BANP: variants seen among roughly 807,000 people sequenced by gnomAD.
The protein encoded by BANP is BTG3 associated nuclear protein.
A neutral mutation model predicts 68.1 loss-of-function variants in BANP; 11 were observed. The ratio of observed to expected loss-of-function variants is 0.16; its 90% CI spans 0.10 to 0.27. The LOEUF (loss-of-function observed/expected upper bound fraction) is 0.27, where lower values mean the gene tolerates loss of function less well. Ranked by LOEUF, BANP falls within the 10% of genes least tolerant of loss-of-function variation. BANP has a pLI of 1.00. For missense variants in BANP, 504 were observed against 722.7 expected (o/e 0.70, Z 3.47); for synonymous variants, 329 against 303.2 (o/e 1.09, Z -0.88).
chr16:88,035,232 A>T (rs1372157998), intron 9 of BANP, 91 bp from the exon 10 acceptor site: 1 of 1,167,072 alleles, frequency 8.6e-7, no homozygotes, highest in African/African-American at 1.5e-5. Flanking sequence ...TTGTAAACAG[A>T]TAATCAAGAA....
At position 88,018,483 on chromosome 16, in the gene BANP, A is replaced by G. The variant is rs539953065; in HGVS notation, c.711A>G (p.Val237=). 2.4e-5 allele frequency: 38 copies of G among 1,613,382 alleles called. No homozygotes were observed. In the African/African-American group the frequency reaches 2.5e-4, roughly 11 times the overall value. Reference sequence around the variant, plus strand: ...ACGAGAACAACCCCGAGATGCGGGTACGCTGCGCCATCATCCCCTCCGACA... The same window carrying G: ...ACGAGAACAACCCCGAGATGCGGGTGCGCTGCGCCATCATCCCCTCCGACA... ...LGDENNPEMR[V]RCAIIPSDML... Residue 237 remains valine (V), a synonymous_variant, in exon 7 of 14, where the codon GTA becomes GTG. Coordinates refer to ENST00000682872, the MANE Select transcript of BANP (RefSeq NM_001386991.1). This position sits in a 1 kb window ranked among gnomAD's most constrained non-coding sequence, Gnocchi z 7.7.
intron 7 of BANP, among the ~76,000 whole-genome samples, chr16:88,025,909 G>A (rs894345989): frequency 1.3e-5 from 2 of 152,172 alleles, no homozygotes; most frequent in Non-Finnish European, 2.9e-5. Flanking sequence ...TAGTGAAGTT[G>A]CATGAGCCAG....
chr16:88,052,811 C>T (rs1215364530), intron 11 of BANP, among the ~76,000 whole-genome samples: 2 of 151,898 alleles, frequency 1.3e-5, no homozygotes, highest in Non-Finnish European at 2.9e-5. Flanking sequence ...ACCACTACCA[C>T]TACCGCCTTC....
At chr16:87,961,718 C>T (rs1295501077) in intron 1 of BANP, among the ~76,000 whole-genome samples, 9 of 152,108 alleles carry the variant, frequency 5.9e-5, no homozygotes, top group Non-Finnish European at 1.0e-4. Context: ...AAGCTGGTCC[C>T]CAGTGTCACA....
chr16:88,013,452 C>T (rs1164464202), intron 6 of BANP, among the ~76,000 whole-genome samples: 1 of 151,988 alleles, frequency 6.6e-6, no homozygotes, highest in Non-Finnish European at 1.5e-5. Context: ...ACGGGCCCTC[C>T]CTCAGTGCAG....
At chr16:88,040,106 G>A (rs575715658) in intron 11 of BANP, among the ~76,000 whole-genome samples, 3 of 152,160 alleles carry the variant, frequency 2.0e-5, no homozygotes, top group African/African-American at 7.2e-5. Context: ...CTGCCACTCA[G>A]GGTAGCGGGC....
chr16:88,042,300 G>T (rs2081016964), intron 11 of BANP, among the ~76,000 whole-genome samples: 1 of 152,248 alleles, frequency 6.6e-6, no homozygotes, highest in African/African-American at 2.4e-5. Context: ...TCAGGGGACG[G>T]TGGCGGGTGC....
At chr16:87,976,474 G>GTTTTTTGTTT (rs1555546296) in intron 2 of BANP, among the ~76,000 whole-genome samples, 2 of 95,972 alleles carry the variant, frequency 2.1e-5, no homozygotes, top group African/African-American at 9.1e-5. Context: ...GTTTTAAAAA[G>GTTTTTTGTTT]TTTTTTTTTT....
intron 1 of BANP, among the ~76,000 whole-genome samples, chr16:87,953,048 A>C (rs978159263): frequency 2.6e-5 from 4 of 152,158 alleles, no homozygotes; most frequent in Non-Finnish European, 5.9e-5. Context: ...GGGCAGCTCA[A>C]CATCTCGGGT....
At chr16:87,956,331 A>G (rs921240592) in intron 1 of BANP, among the ~76,000 whole-genome samples, 1 of 152,212 alleles carries the variant, frequency 6.6e-6, no homozygotes, top group African/African-American at 2.4e-5. Flanking sequence ...GAATGAGATG[A>G]AAGCTTTAGA....
In BANP at chr16:87,993,826, C is replaced by G. The variant is rs2066496691; in HGVS notation, c.362+9567C>G. Among the ~76,000 whole-genome samples the G allele has an allele frequency of 2.0e-5, 3 of 152,148 alleles. 1 individual carries two copies. In the South Asian group the frequency reaches 6.2e-4, roughly 32 times the overall value. ...ATGTTGACCAGGCTGGTCTCGAACT[C>G]CTGACCTCAGGTGATCCGCCTGCCT... On this transcript the variant is annotated intron_variant, in intron 4 of 13. Coordinates refer to ENST00000682872, the MANE Select transcript of BANP (RefSeq NM_001386991.1).
At position 88,070,124 on chromosome 16, in the gene BANP, G is replaced by A. The variant is rs141113415; in HGVS notation, c.1378-1945G>A. ...TTTTCCCTCGCTTACTCTATTAGAG[G>A]AATACAGGTGATGGTACACACAGCA... On this transcript the variant is annotated intron_variant, in intron 12 of 13. Coordinates refer to ENST00000682872, the MANE Select transcript of BANP (RefSeq NM_001386991.1). Among the ~76,000 whole-genome samples the A allele has an allele frequency of 6.6e-5, 10 of 152,282 alleles. No individual in the cohort carries two copies. The East Asian group carries it at 1.2e-3, about 18-fold the overall frequency.
At chr16:87,972,580 T>A (rs965968676) in intron 1 of BANP, among the ~76,000 whole-genome samples, 1 of 152,214 alleles carries the variant, frequency 6.6e-6, no homozygotes, top group Non-Finnish European at 1.5e-5. Flanking sequence ...CATTTTTATA[T>A]GATTTTTGCT....
rs779359749 is a variant in BANP at position 87,975,140 on chromosome 16, G to A, written c.25G>A (p.Asp9Asn). 35 of 1,614,048 alleles carry A rather than the reference G, an allele frequency of 2.2e-5. No homozygotes were observed. Among genetic ancestry groups the A allele is most frequent in the Non-Finnish European group, 2.5e-5 (30 of 1,180,028 alleles). Residue 9 changes from aspartate to asparagine, a missense_variant, in exon 2 of 14, where the codon GAT becomes AAT. By Grantham distance (23) the Asp-to-Asn change is conservative (BLOSUM62 1). Transcript: ENST00000682872. Reference protein sequence around the residue: MMSEHDLADVVQIAVEDLS... With the variant: MMSEHDLANVVQIAVEDLS... ...GATGATGTCGGAACACGACCTGGCC[G>A]ATGTGGTTCAGATTGCAGTGGAAGA...
rs1258084692 is a variant in BANP, at chr16:88,071,471, G to A, written c.1378-598G>A. ...ATACTCTGGGAGGCGGTACAAGGTC[G>A]GGAGGGCCAGCGGGGCTCTCTGCCA... On this transcript the variant is annotated intron_variant, in intron 12 of 13. Transcript: ENST00000682872. The surrounding 1 kb of genome is among the most constrained non-coding windows in gnomAD (Gnocchi z 6.5). 1.3e-5 allele frequency: 6 copies of A among 456,208 alleles called. No homozygotes were observed. The highest frequency in any genetic ancestry group is 4.7e-5 in the Admixed American group (2 of 42,558). The allele number at this position is 456,208 out of a possible 1,614,324, so 28.3% of individuals were successfully genotyped here.
chr16:87,953,323 A>G lies in BANP; in HGVS notation c.-69+1808A>G, dbSNP rs2057361986. ...TCAGCCCCGTTCTTCAAAGAGGTTTACATCTTGAGTGGTTTCTTTAGGTCA... is the reference window on the plus strand; with the variant it reads ...TCAGCCCCGTTCTTCAAAGAGGTTTGCATCTTGAGTGGTTTCTTTAGGTCA... On this transcript the variant is annotated intron_variant, in intron 1 of 13. Coordinates refer to ENST00000682872, the MANE Select transcript of BANP (RefSeq NM_001386991.1). Among the ~76,000 whole-genome samples, 4 of 152,178 alleles carry G rather than the reference A, an allele frequency of 2.6e-5. No individual in the cohort carries two copies. In the South Asian group the frequency reaches 8.3e-4, roughly 31 times the overall value.
At chr16:87,979,043 G>A (rs911511722) in intron 2 of BANP, among the ~76,000 whole-genome samples, 1 of 152,164 alleles carries the variant, frequency 6.6e-6, no homozygotes, top group Non-Finnish European at 1.5e-5. Context: ...CAGGTAGATC[G>A]GATTTGACTG....
chr16:87,972,875 C>G (rs1439679926), intron 1 of BANP, among the ~76,000 whole-genome samples: 1 of 152,144 alleles, frequency 6.6e-6, no homozygotes, highest in Non-Finnish European at 1.5e-5. Flanking sequence ...GCTTGGGGTC[C>G]AGAACACTCT....
intron 13 of BANP, among the ~76,000 whole-genome samples, chr16:88,073,817 C>G (rs4075599): frequency 0.25 from 38,619 of 152,232 alleles, 4,986 homozygotes; most frequent in South Asian, 0.27. Context: ...CAGAATTGAA[C>G]AAACCTGTGT....
Sources: gnomAD v4.1 joint callset for allele counts (sites outside exome capture counted in the v4.1 genomes callset) on GRCh38, gnomAD v4.1.1 for gene constraint, Gnocchi (gnomAD v3.1) non-coding constraint, MANE v1.5 for transcripts, NCBI Gene and HGNC (gene_info 2026-07-23, HGNC 2026-07-21) for gene names.